The following EFCAB11 variants were observed in gnomAD, a reference collection of about 807,000 sequenced individuals.
EFCAB11 encodes the protein EF-hand calcium-binding domain-containing protein 11.
EFCAB11 carries 14 observed loss-of-function variants against 23.0 expected under a neutral mutation model. The observed-to-expected ratio is 0.61, with a 90% confidence interval of 0.40 to 0.95. The LOEUF (loss-of-function observed/expected upper bound fraction) is 0.95. Among genes scored for constraint, EFCAB11 ranks in the 40% least tolerant of loss-of-function variants. The pLI, the probability that EFCAB11 is intolerant of heterozygous loss-of-function variation, is 0.00. For missense variants in EFCAB11, 198 were observed against 195.8 expected, an observed-to-expected ratio of 1.01 and a Z score of -0.07; for synonymous variants, 65 against 66.6, an observed-to-expected ratio of 0.98 and a Z score of 0.11.
At chr14:89,911,375 G>A (rs533663927) in intron 5 of EFCAB11, among the ~76,000 whole-genome samples, 4 of 152,196 alleles carry the variant, frequency 2.6e-5, no homozygotes, top group African/African-American at 4.8e-5. Flanking sequence ...GAGTGACAAG[G>A]GGGGTTTGGG....
intron 5 of EFCAB11, among the ~76,000 whole-genome samples, chr14:89,815,504 G>T (rs929527067): frequency 6.6e-6 from 1 of 151,402 alleles, no homozygotes; most frequent in Non-Finnish European, 1.5e-5. Context: ...TCGGCTCACT[G>T]CAACCTCCGC....
intron 4 of EFCAB11, among the ~76,000 whole-genome samples, chr14:89,931,930 G>A (rs562237677): frequency 1.3e-5 from 2 of 152,128 alleles, no homozygotes; most frequent in African/African-American, 2.4e-5. Flanking sequence ...CTCTAACAAC[G>A]GTGTTAGACT....
At chr14:89,837,481 GC>G (rs1161888013) in intron 5 of EFCAB11, among the ~76,000 whole-genome samples, 1 of 152,072 alleles carries the variant, frequency 6.6e-6, no homozygotes, top group Non-Finnish European at 1.5e-5. Flanking sequence ...TTCCTCCCTT[GC>G]CCTTTAGAGC....
intron 5 of EFCAB11, among the ~76,000 whole-genome samples, chr14:89,885,407 G>A (rs1888722940): frequency 6.6e-6 from 1 of 152,132 alleles, no homozygotes; most frequent in Non-Finnish European, 1.5e-5. Context: ...CAGCGGGCGT[G>A]GTGGCTCAAG....
chr14:89,919,359 G>A (rs1566810836), intron 5 of EFCAB11, among the ~76,000 whole-genome samples: 3 of 152,210 alleles, frequency 2.0e-5, no homozygotes, highest in Non-Finnish European at 4.4e-5. Flanking sequence ...TAACAGTGCA[G>A]GCCCTGCAGT....
intron 5 of EFCAB11, among the ~76,000 whole-genome samples, chr14:89,839,716 TA>T (rs1887197399): frequency 6.6e-6 from 1 of 151,032 alleles, no homozygotes; most frequent in Non-Finnish European, 1.5e-5. Flanking sequence ...CTTCTGCTTC[TA>T]GGGAGGCCTC....
chr14:89,812,104 T>A (rs569033413), intron 5 of EFCAB11, among the ~76,000 whole-genome samples: 1 of 152,312 alleles, frequency 6.6e-6, no homozygotes, highest in Non-Finnish European at 1.5e-5. Flanking sequence ...GGAACAAATA[T>A]GCTTTTCACT....
intron 5 of EFCAB11, among the ~76,000 whole-genome samples, chr14:89,838,923 T>C (rs1414003396): frequency 6.6e-6 from 1 of 152,196 alleles, no homozygotes; most frequent in Non-Finnish European, 1.5e-5. Flanking sequence ...CACAGATAAA[T>C]TCACTAGAAT....
chr14:89,836,847 C>T (rs1248555854), intron 5 of EFCAB11, among the ~76,000 whole-genome samples: 2 of 152,154 alleles, frequency 1.3e-5, no homozygotes, highest in East Asian at 1.9e-4. Flanking sequence ...GGTAAAACCT[C>T]GTCTCTACTA....
intron 5 of EFCAB11, among the ~76,000 whole-genome samples, chr14:89,835,855 T>G (rs1279210020): frequency 6.6e-6 from 1 of 152,142 alleles, no homozygotes; most frequent in Non-Finnish European, 1.5e-5. Flanking sequence ...CTCAAACTCC[T>G]GACCTCAGAT....
intron 5 of EFCAB11, among the ~76,000 whole-genome samples, chr14:89,877,327 C>T (rs748945596): frequency 1.8e-4 from 28 of 152,188 alleles, no homozygotes; most frequent in Admixed American, 6.5e-4. Context: ...CATGAACCAC[C>T]GCACCCGGCC....
At chr14:89,928,990 T>C (rs1345874068) in intron 5 of EFCAB11, among the ~76,000 whole-genome samples, 6 of 148,962 alleles carry the variant, frequency 4.0e-5, no homozygotes, top group African/African-American at 1.2e-4. Flanking sequence ...ATTTTCAAGA[T>C]ATACTCTAAC....
At chr14:89,895,526 G>T (rs780785383) in intron 5 of EFCAB11, among the ~76,000 whole-genome samples, 1 of 152,180 alleles carries the variant, frequency 6.6e-6, no homozygotes, top group Non-Finnish European at 1.5e-5. Context: ...CACAGGAGCA[G>T]AGGCAGCAAA....
chr14:89,849,269 C>T (rs1258627168), intron 5 of EFCAB11, among the ~76,000 whole-genome samples: 3 of 152,236 alleles, frequency 2.0e-5, no homozygotes, highest in African/African-American at 4.8e-5. Context: ...CCATCTTTGC[C>T]TGGCTGACTC....
intron 5 of EFCAB11, among the ~76,000 whole-genome samples, chr14:89,833,506 G>A (rs1308983684): frequency 6.6e-6 from 1 of 152,168 alleles, no homozygotes; most frequent in Non-Finnish European, 1.5e-5. Context: ...TGTTCTATAT[G>A]TGACATTTCT....
intron 5 of EFCAB11, among the ~76,000 whole-genome samples, chr14:89,869,370 T>C (rs1197679792): frequency 6.6e-6 from 1 of 152,168 alleles, no homozygotes; most frequent in Non-Finnish European, 1.5e-5. Context: ...GATAGTCAAA[T>C]CTCAGCAATC....
intron 5 of EFCAB11, chr14:89,830,599 C>G (rs150584233): frequency 6.6e-6 from 1 of 152,096 alleles, no homozygotes; most frequent in Admixed American, 6.5e-5. Flanking sequence ...ATAAAACGAG[C>G]CTTTCCTTCA....
chr14:89,917,214 T>A (rs1333077043), intron 5 of EFCAB11, among the ~76,000 whole-genome samples: 2 of 152,064 alleles, frequency 1.3e-5, no homozygotes, highest in Non-Finnish European at 2.9e-5. Flanking sequence ...ACCCTGTAAC[T>A]AAAATTTTGT....
intron 5 of EFCAB11, among the ~76,000 whole-genome samples, chr14:89,916,668 T>G (rs1889853997): frequency 6.6e-6 from 1 of 152,214 alleles, no homozygotes; most frequent in Admixed American, 6.5e-5. Context: ...GTTCATGTAT[T>G]CGTCAAATAC....
Sources: gnomAD v4.1 joint callset for allele counts (sites outside exome capture counted in the v4.1 genomes callset) on GRCh38, gnomAD v4.1.1 for gene constraint, MANE v1.5 for transcripts, NCBI Gene and HGNC (gene_info 2026-07-23, HGNC 2026-07-21) for gene names.